EDNRB: variants seen among roughly 807,000 people sequenced by gnomAD.
EDNRB encodes Hirschsprung disease 2.
In EDNRB, 18 loss-of-function variants were observed where a neutral mutation model predicts 46.4. The observed-to-expected ratio is 0.39, with a 90% CI of 0.27 to 0.57. EDNRB has a LOEUF of 0.57. Among genes scored for constraint, EDNRB ranks in the 20% least tolerant of loss-of-function variants. The probability of loss-of-function intolerance (pLI) is 0.61; values close to 1 mark genes in which losing one functional copy is unlikely to be tolerated. For missense variants in EDNRB, 434 were observed against 537.5 expected, an observed-to-expected ratio of 0.81 and a Z score of 1.90; for synonymous variants, 213 against 204.9, an observed-to-expected ratio of 1.04 and a Z score of -0.34.
At chr13:77,968,080 T>C (rs919621385) in intron 1 of EDNRB, among the ~76,000 whole-genome samples, 2 of 152,164 alleles carry the variant, frequency 1.3e-5, no homozygotes, top group Middle Eastern at 3.2e-3. Flanking sequence ...TTATCAGTAA[T>C]ATTACACCAT....
Position 77,918,033 on chromosome 13 carries a change from C to T in EDNRB, c.483+58G>A, listed in dbSNP as rs911867519. ...CCCTCTACAAGCTTTCTCATCTCCCCGTCTCCAACCAGGCCCCCTTCCTCA... is the reference window on the plus strand; with the variant it reads ...CCCTCTACAAGCTTTCTCATCTCCCTGTCTCCAACCAGGCCCCCTTCCTCA... On this transcript the variant is annotated intron_variant, in intron 1 of 6. Transcript: ENST00000646607. The surrounding 1 kb of genome is among the most constrained non-coding windows in gnomAD (Gnocchi z 4.5). 3 of 1,612,192 alleles carry T rather than the reference C, an allele frequency of 1.9e-6. No individual in the cohort carries two copies. Among genetic ancestry groups the T allele is most frequent in the African/African-American group, 2.7e-5 (2 of 74,858 alleles).
chr13:77,907,711 C>T (rs1879351017), intron 1 of EDNRB, among the ~76,000 whole-genome samples: 1 of 151,740 alleles, frequency 6.6e-6, no homozygotes, highest in Non-Finnish European at 1.5e-5. Flanking sequence ...TCAGAAGAAT[C>T]AAGATGAATG....
At chr13:77,935,091 G>A (rs1427373279) in intron 1 of EDNRB, among the ~76,000 whole-genome samples, 1 of 152,048 alleles carries the variant, frequency 6.6e-6, no homozygotes, top group South Asian at 2.1e-4. Flanking sequence ...GAAAGTATAT[G>A]TGTCAGGTGT....
intron 3 of EDNRB, among the ~76,000 whole-genome samples, chr13:77,902,264 T>TTACG (rs1486224798): frequency 2.0e-5 from 3 of 151,942 alleles, no homozygotes; most frequent in African/African-American, 4.8e-5. Flanking sequence ...CTTGTGCAGA[T>TTACG]TACGTAGTAG....
At chr13:77,922,321 G>A (rs1734807800), upstream of EDNRB, among the ~76,000 whole-genome samples, 1 of 152,162 alleles carries the variant, frequency 6.6e-6, no homozygotes, top group Non-Finnish European at 1.5e-5. Context: ...AGGGTTTAAT[G>A]CAATTCGGAA....
chr13:77,907,959 C>T (rs1879365353), intron 1 of EDNRB, among the ~76,000 whole-genome samples: 1 of 135,708 alleles, frequency 7.4e-6, no homozygotes, highest in Admixed American at 8.5e-5. Context: ...GATAGTCAGA[C>T]ACGTAATCAC....
At chr13:77,957,392 T>C (rs1209038948) in intron 1 of EDNRB, among the ~76,000 whole-genome samples, 1 of 152,220 alleles carries the variant, frequency 6.6e-6, no homozygotes, top group Non-Finnish European at 1.5e-5. Context: ...CAAATCTTGG[T>C]ATTTACAGGC....
At chr13:77,945,888 A>AC (rs1880891854) in intron 1 of EDNRB, among the ~76,000 whole-genome samples, 1 of 151,516 alleles carries the variant, frequency 6.6e-6, no homozygotes, top group Admixed American at 6.6e-5. Context: ...AAAAAAAAAA[A>AC]AAAAACAAAA....
rs2137687183 is a variant in EDNRB, at chr13:77,963,313, T to A, written c.-52+12034A>T. Among the ~76,000 whole-genome samples, 2 of 152,266 alleles carry A rather than the reference T, an allele frequency of 1.3e-5. 1 individual carries two copies. The highest frequency in any genetic ancestry group is 3.9e-4 in the East Asian group (2 of 5,182). On this transcript the variant is annotated intron_variant, in intron 1 of 7. Coordinates refer to the EDNRB transcript ENST00000646948. ...CCAAAAAAGAGCTCACATTGCCAAG[T>A]CAGTCCTAAGCCAAAAGAACAAAGC...
intron 1 of EDNRB, chr13:77,939,177 G>A (rs1880661784): frequency 6.6e-6 from 1 of 152,182 alleles, no homozygotes; most frequent in South Asian, 2.1e-4. Flanking sequence ...GCAGGAGTGG[G>A]GGTCACAAGG....
intron 1 of EDNRB, among the ~76,000 whole-genome samples, chr13:77,926,119 T>A (rs1303815776): frequency 6.6e-6 from 1 of 152,228 alleles, no homozygotes; most frequent in Non-Finnish European, 1.5e-5. Flanking sequence ...CCACATTGTA[T>A]CTGGGAAATA....
upstream of EDNRB, among the ~76,000 whole-genome samples, chr13:77,921,025 A>C (rs1451587513): frequency 1.3e-5 from 2 of 152,076 alleles, no homozygotes; most frequent in Non-Finnish European, 2.9e-5. Flanking sequence ...ATCCTCACTG[A>C]GGTCTATCTC....
intron 1 of EDNRB, among the ~76,000 whole-genome samples, chr13:77,964,458 A>G (rs1244141473): frequency 1.3e-5 from 2 of 152,232 alleles, no homozygotes; most frequent in African/African-American, 2.4e-5. Flanking sequence ...ATAAAAAACG[A>G]TAAGTTCATG....
At chr13:77,933,475 A>C (rs1311187565) in intron 1 of EDNRB, among the ~76,000 whole-genome samples, 1 of 152,142 alleles carries the variant, frequency 6.6e-6, no homozygotes, top group Non-Finnish European at 1.5e-5. Context: ...CAGGAGAAGG[A>C]ATTTCACAAG....
chr13:77,971,349 A>G (rs1229660314), intron 1 of EDNRB, among the ~76,000 whole-genome samples: 1 of 152,228 alleles, frequency 6.6e-6, no homozygotes, highest in Admixed American at 6.5e-5. Flanking sequence ...GTTTTGCCCA[A>G]GAGTTACTTT....
At chr13:77,964,812 A>G (rs1881534874) in intron 1 of EDNRB, among the ~76,000 whole-genome samples, 2 of 152,126 alleles carry the variant, frequency 1.3e-5, no homozygotes, top group Admixed American at 1.3e-4. Flanking sequence ...CTATATAAAA[A>G]AAAAAAGTCA....
chr13:77,922,117 G>T (rs908980795), upstream of EDNRB, among the ~76,000 whole-genome samples: 1 of 151,208 alleles, frequency 6.6e-6, no homozygotes, highest in African/African-American at 2.5e-5. Context: ...TTGCATTTAT[G>T]AGAGGATTTT....
chr13:77,908,021 CAAAAA>C (rs1215042889), intron 1 of EDNRB, among the ~76,000 whole-genome samples: 2 of 55,086 alleles, frequency 3.6e-5, no homozygotes, highest in Non-Finnish European at 7.1e-5. Flanking sequence ...AAAGAGACTG[CAAAAA>C]AAAAAAAAAA....
At chr13:77,971,521 T>C (rs1881730209) in intron 1 of EDNRB, among the ~76,000 whole-genome samples, 2 of 151,820 alleles carry the variant, frequency 1.3e-5, no homozygotes, top group Non-Finnish European at 2.9e-5. Context: ...TTTTTCTTTC[T>C]GACACATAGG....
Sources: gnomAD v4.1 joint callset for allele counts (sites outside exome capture counted in the v4.1 genomes callset) on GRCh38, gnomAD v4.1.1 for gene constraint, Gnocchi (gnomAD v3.1) non-coding constraint, MANE v1.5 for transcripts, NCBI Gene and HGNC (gene_info 2026-07-23, HGNC 2026-07-21) for gene names.